Variants in SNRNP200 observed in about 807,000 individuals in gnomAD.
SNRNP200 encodes the protein small nuclear ribonucleoprotein U5 subunit 200, also known as U5 small nuclear ribonucleoprotein 200 kDa helicase.
SNRNP200 carries 66 observed loss-of-function variants against 255.2 expected under a neutral mutation model. That is an observed-to-expected ratio of 0.26 (90% confidence interval 0.21 to 0.32). The LOEUF is 0.32. Ranked by LOEUF, SNRNP200 falls within the 10% of genes least tolerant of loss-of-function variation. The pLI is 1.00. For synonymous variants in SNRNP200, 939 were observed against 1,027.8 expected (o/e 0.91, Z 1.65); for missense variants, 1,585 against 2,749.8 (o/e 0.58, Z 9.47).
chr2:96,275,916 G>A (rs1684647603), intron 43 of SNRNP200, among the ~76,000 whole-genome samples: 2 of 152,248 alleles, frequency 1.3e-5, no homozygotes, highest in African/African-American at 2.4e-5. Flanking sequence ...TGAGGCAGGA[G>A]GATGGCGTGA....
In SNRNP200 at chr2:96,283,825, C is replaced by T; in HGVS notation, c.4572G>A (p.Glu1524=). ...GAGTGGGTCCTACCTGGATGTGCAG[C>T]TCCAAGGGGACGGGACGCACATTGG... The part of the protein sequence containing the change: ...FHPNVRPVPL[E]LHIQGFNISH... The change falls in exon 32 of 45, where the codon GAG becomes GAA. Residue 1524 remains glutamate, a synonymous_variant. Coordinates refer to ENST00000323853, the MANE Select transcript of SNRNP200 (RefSeq NM_014014.5). The surrounding 1 kb of genome is among the most constrained non-coding windows in gnomAD (Gnocchi z 4.7). The T allele has an allele frequency of 6.2e-7, 1 of 1,611,092 alleles. No homozygotes were observed. Among genetic ancestry groups the T allele is most frequent in the Non-Finnish European group, 8.5e-7 (1 of 1,178,528 alleles).
intron 24 of SNRNP200, 130 bp downstream of exon 24, chr2:96,288,533 G>A (rs554911888): frequency 1.4e-5 from 11 of 796,402 alleles, no homozygotes; most frequent in South Asian, 4.3e-5. Flanking sequence ...CCAACTACCC[G>A]GCAAGAGCAG....
intron 2 of SNRNP200, among the ~76,000 whole-genome samples, chr2:96,303,698 T>C (rs1050738687): frequency 6.6e-6 from 1 of 152,160 alleles, no homozygotes. Context: ...AAGACCAACC[T>C]GGCCAACATG....
chr2:96,276,081 C>T (rs978985331), intron 43 of SNRNP200, among the ~76,000 whole-genome samples: 6 of 152,258 alleles, frequency 3.9e-5, no homozygotes, highest in African/African-American at 1.2e-4. Flanking sequence ...GCCCTGTCTA[C>T]GGGCTGCCCC....
chr2:96,286,580 A>G lies in SNRNP200; in HGVS notation c.3830-96T>C. ...TGAACACTGGAAACCTAGGCAGCAT[A>G]TGTATCACTCTGTCCCCAGCAAGGG... is the stretch of plus-strand genomic sequence containing the variant. On this transcript the variant is annotated intron_variant, in intron 28 of 44. Coordinates refer to ENST00000323853, the MANE Select transcript of SNRNP200 (RefSeq NM_014014.5). The surrounding 1 kb of genome is among the most constrained non-coding windows in gnomAD (Gnocchi z 4.8). The G allele has an allele frequency of 6.3e-7, 1 of 1,587,788 alleles. No homozygotes were observed. Among genetic ancestry groups the G allele is most frequent in the South Asian group, 1.1e-5 (1 of 90,040 alleles).
chr2:96,290,238 G>T lies in SNRNP200; in HGVS notation c.2742+88C>A. ...GGGATGGAAGGCCTCGGACGCTGCT[G>T]GCCCGCAGCACAATAGGGACCGACC... is the stretch of plus-strand genomic sequence containing the variant. On this transcript the variant is annotated intron_variant, in intron 20 of 44. Coordinates refer to ENST00000323853, the MANE Select transcript of SNRNP200 (RefSeq NM_014014.5). This position sits in a 1 kb window ranked among gnomAD's most constrained non-coding sequence, Gnocchi z 4.5. 7.0e-7 allele frequency: 1 copy of T among 1,425,316 alleles called. No homozygotes were observed. The highest frequency in any genetic ancestry group is 9.9e-7 in the Non-Finnish European group (1 of 1,010,138). The allele number at this position is 1,425,316 out of a possible 1,614,324, so 88.3% of individuals were successfully genotyped here.
intron 1 of SNRNP200, 29 bp from the exon 2 acceptor site, chr2:96,304,897 T>C: frequency 2.5e-6 from 4 of 1,608,616 alleles, no homozygotes; most frequent in Non-Finnish European, 3.4e-6. Context: ...TATTGAAGCT[T>C]TGACATGAGC....
chr2:96,278,623 G>C lies in SNRNP200; in HGVS notation c.5412C>G (p.Ile1804Met). The stretch of plus-strand genomic sequence containing the variant: ...GAGGCGCCACGTCCATCTCGTCCTC[G>C]ATGCTGATGCACTTGGACTGCTCCA... The part of the protein sequence containing the change: ...SDLEQSKCIS[I>M]EDEMDVAPLN... Residue 1804 changes from isoleucine (I) to methionine (M), a missense_variant, in exon 38 of 45, where the codon ATC (isoleucine) becomes ATG (methionine). Coordinates refer to ENST00000323853, the MANE Select transcript of SNRNP200 (RefSeq NM_014014.5). This position sits in a 1 kb window ranked among gnomAD's most constrained non-coding sequence, Gnocchi z 6.9. 6.2e-7 allele frequency: 1 copy of C among 1,614,198 alleles called. No individual in the cohort carries two copies. The highest frequency in any genetic ancestry group is 8.5e-7 in the Non-Finnish European group (1 of 1,180,050).
chr2:96,283,785 A>C lies in SNRNP200; in HGVS notation c.4584+28T>G. ...TCACTCAGGATCTATGTGACACCCC[A>C]CAGACGGATGAGGAGAGTGGGTCCT... On this transcript the variant is annotated intron_variant, in intron 32 of 44. Transcript: ENST00000323853. The surrounding 1 kb of genome is among the most constrained non-coding windows in gnomAD (Gnocchi z 4.7). The C allele has an allele frequency of 6.2e-7, 1 of 1,613,918 alleles. No homozygotes were observed.
intron 29 of SNRNP200, among the ~76,000 whole-genome samples, chr2:96,285,943 G>A (rs1212768232): frequency 6.6e-6 from 1 of 152,194 alleles, no homozygotes; most frequent in Non-Finnish European, 1.5e-5. Flanking sequence ...CATGGACTGA[G>A]GAAACAGTGC....
intron 14 of SNRNP200, 33 bp from the exon 15 acceptor site, chr2:96,293,542 C>T: frequency 1.3e-6 from 2 of 1,562,230 alleles, no homozygotes; most frequent in Non-Finnish European, 1.8e-6. Context: ...TTACCTCTAG[C>T]ACTAGAGATA....
intron 36 of SNRNP200, 171 bp from the exon 37 acceptor site, chr2:96,279,169 C>G (rs1684718695): frequency 2.9e-6 from 2 of 680,156 alleles, no homozygotes; most frequent in Admixed American, 2.1e-5. Context: ...GCAGTGGGAA[C>G]AGAGGTACAG....
rs201108232 is a variant in SNRNP200, at chr2:96,296,491, A to G, written c.1671+45T>C. Reference sequence around the variant, plus strand: ...GTCCAGGCCTGTCCACAACACTTTCATAGGTGCACCCAGTATCCTCTGCAG... The same window carrying G: ...GTCCAGGCCTGTCCACAACACTTTCGTAGGTGCACCCAGTATCCTCTGCAG... On this transcript the variant is annotated intron_variant, in intron 13 of 44. Coordinates refer to ENST00000323853, the MANE Select transcript of SNRNP200 (RefSeq NM_014014.5). 2.7e-5 allele frequency: 43 copies of G among 1,605,810 alleles called. No homozygotes were observed. The African/African-American group carries it at 5.5e-4, about 20-fold the overall frequency.
Position 96,289,211 on chromosome 2 carries a change from T to A in SNRNP200, c.3093+16A>T. On this transcript the variant is annotated intron_variant, in intron 22 of 44. Transcript: ENST00000323853. ...TGAGCACCAACTCCCCGCCCCATCA[T>A]GCTGCATAGGCTCACCTCTCTCACT... 1 of 1,614,212 alleles carries A rather than the reference T, an allele frequency of 6.2e-7. No homozygotes were observed. The highest frequency in any genetic ancestry group is 8.5e-7 in the Non-Finnish European group (1 of 1,180,034).
chr2:96,305,482 G>T lies in SNRNP200; in HGVS notation c.-45C>A, dbSNP rs2063982288. 1 of 1,612,450 alleles carries T rather than the reference G, an allele frequency of 6.2e-7. No individual in the cohort carries two copies. ...CTTCAGACCACCACGCCTCCCTACC[G>T]CAAGCTGCAAACGGCCGCAGATCTC... On this transcript the variant is annotated 5_prime_UTR_variant, in exon 1 of 45. Transcript: ENST00000323853.
At chr2:96,300,689 G>A (rs2063946829) in intron 5 of SNRNP200, among the ~76,000 whole-genome samples, 1 of 152,126 alleles carries the variant, frequency 6.6e-6, no homozygotes, top group South Asian at 2.1e-4. Flanking sequence ...CGCGAAACCT[G>A]GGAGGCAGAG....
intron 11 of SNRNP200, 56 bp from the exon 12 acceptor site, chr2:96,297,126 T>A: frequency 1.2e-6 from 2 of 1,612,756 alleles, no homozygotes; most frequent in Admixed American, 3.3e-5. Context: ...GAGCAAAACG[T>A]TATTGTGGGA....
At chr2:96,294,482 G>A (rs562021791) in intron 14 of SNRNP200, among the ~76,000 whole-genome samples, 2 of 151,144 alleles carry the variant, frequency 1.3e-5, no homozygotes, top group Admixed American at 6.6e-5. Context: ...TTTGGCCCAC[G>A]CAGCCCCTAT....
chr2:96,297,835 T>C lies in SNRNP200; in HGVS notation c.1120-115A>G, dbSNP rs1168688303. 5 of 1,099,870 alleles carry C rather than the reference T, an allele frequency of 4.5e-6. No individual in the cohort carries two copies. In the Admixed American group the frequency reaches 9.5e-5, roughly 21 times the overall value. The allele number at this position is 1,099,870 out of a possible 1,614,324, so 68.1% of individuals were successfully genotyped here. A position where few individuals can be genotyped will look rare whatever the true frequency, so the allele number is the denominator to read the frequency against. ...GTCACAGGTGCTGACTAGTAAGTCGTGAAACAGAAAGACAGTGCTTTACAT... is the reference window on the plus strand; with the variant it reads ...GTCACAGGTGCTGACTAGTAAGTCGCGAAACAGAAAGACAGTGCTTTACAT... On this transcript the variant is annotated intron_variant, in intron 9 of 44. Coordinates refer to ENST00000323853, the MANE Select transcript of SNRNP200 (RefSeq NM_014014.5).
Sources: gnomAD v4.1 joint callset for allele counts (sites outside exome capture counted in the v4.1 genomes callset) on GRCh38, gnomAD v4.1.1 for gene constraint, Gnocchi (gnomAD v3.1) non-coding constraint, MANE v1.5 for transcripts, NCBI Gene and HGNC (gene_info 2026-07-23, HGNC 2026-07-21) for gene names.